Variants in DLGAP2 observed in about 807,000 individuals in gnomAD.
DLGAP2 encodes disks large-associated protein 2.
DLGAP2 carries 26 observed loss-of-function variants against 100.3 expected under a neutral mutation model. That is an observed-to-expected ratio of 0.26 (90% CI 0.19 to 0.36). The LOEUF (loss-of-function observed/expected upper bound fraction) is 0.36. DLGAP2 is among the 10% of genes least tolerant of loss of function. The probability of loss-of-function intolerance (pLI) is 1.00; values close to 1 mark genes in which losing one functional copy is unlikely to be tolerated. For missense variants in DLGAP2, 1,858 were observed against 1,453.2 expected (o/e 1.28, Z -4.53); for synonymous variants, 886 against 630.1 (o/e 1.41, Z -6.08).
chr8:1,468,909 C>T lies in DLGAP2; in HGVS notation c.107-32457C>T, dbSNP rs565352873. ...TCCCGTGTCCATCCTGCTGTGCTCA[C>T]TCCAGCCTCTCTCTCTCCTTAGAAA... On this transcript the variant is annotated intron_variant, in intron 3 of 14. Transcript: ENST00000637795. Among the ~76,000 whole-genome samples, 3 of 152,306 alleles carry T rather than the reference C, an allele frequency of 2.0e-5. No homozygotes were observed. In the South Asian group the frequency reaches 6.2e-4, roughly 32 times the overall value.
intron 1 of DLGAP2, among the ~76,000 whole-genome samples, chr8:847,695 C>T (rs1322202107): frequency 6.6e-6 from 1 of 152,044 alleles, no homozygotes; most frequent in Non-Finnish European, 1.5e-5. Flanking sequence ...TTAGTAGAGA[C>T]AGGGTTTCAC....
intron 3 of DLGAP2, among the ~76,000 whole-genome samples, chr8:1,442,236 G>C (rs1003839836): frequency 9.6e-6 from 1 of 104,698 alleles, no homozygotes; most frequent in Non-Finnish European, 2.4e-5. Flanking sequence ...GACGGACCCA[G>C]GCATAGACCC....
intron 2 of DLGAP2, among the ~76,000 whole-genome samples, chr8:1,214,664 C>T (rs1470308731): frequency 1.3e-5 from 2 of 152,166 alleles, no homozygotes; most frequent in Non-Finnish European, 2.9e-5. Context: ...CTCTGAGGTC[C>T]TTTTTAACAA....
intron 2 of DLGAP2, among the ~76,000 whole-genome samples, chr8:1,130,904 A>G (rs1304017417): frequency 6.6e-6 from 1 of 151,994 alleles, no homozygotes; most frequent in East Asian, 1.9e-4. Context: ...GGCTGGGCTG[A>G]GAGACCGGAG....
intron 3 of DLGAP2, among the ~76,000 whole-genome samples, chr8:1,420,632 C>A (rs549121147): frequency 6.6e-6 from 1 of 152,212 alleles, no homozygotes; most frequent in African/African-American, 2.4e-5. Flanking sequence ...AGGTTTCACA[C>A]TGTCAGGACC....
chr8:1,087,447 C>G (rs533636627), intron 2 of DLGAP2, among the ~76,000 whole-genome samples: 1 of 152,168 alleles, frequency 6.6e-6, no homozygotes, highest in Non-Finnish European at 1.5e-5. Flanking sequence ...TGAGCAGCAT[C>G]AAATTGTGTG....
intron 7 of DLGAP2, among the ~76,000 whole-genome samples, chr8:1,630,666 C>T (rs1240339620): frequency 9.9e-5 from 15 of 151,600 alleles, no homozygotes; most frequent in Admixed American, 7.9e-4. Flanking sequence ...CACGCCACTG[C>T]ACTCCAGCCT....
Position 832,552 on chromosome 8 carries a change from A to G in DLGAP2, c.19-75360A>G, listed in dbSNP as rs117064520. On this transcript the variant is annotated intron_variant, in intron 1 of 14. Coordinates refer to ENST00000637795, the MANE Select transcript of DLGAP2 (RefSeq NM_001346810.2). ...GAATCCACTGTTGTATTTACTGAGAAGTGATACTATTAAAGTTTTCTAATG... is the reference window on the plus strand; with the variant it reads ...GAATCCACTGTTGTATTTACTGAGAGGTGATACTATTAAAGTTTTCTAATG... Among the ~76,000 whole-genome samples, 811 of 152,352 alleles carry G rather than the reference A, an allele frequency of 5.3e-3. 1 individual carries two copies. Among genetic ancestry groups the G allele is most frequent in the Non-Finnish European group, 7.4e-3 (506 of 68,038 alleles).
chr8:1,701,265 G>T lies in DLGAP2; in HGVS notation c.3027G>T (p.Leu1009=). The change falls in exon 15 of 15, where the codon CTG becomes CTT. Residue 1009 remains leucine, a synonymous_variant. Coordinates refer to ENST00000637795, the MANE Select transcript of DLGAP2 (RefSeq NM_001346810.2). ...TTCCCATCACAAGAGAAAAATCCCTGGACCTGCCCGACAGACAACGCCAGG... is the reference window on the plus strand; with the variant it reads ...TTCCCATCACAAGAGAAAAATCCCTTGACCTGCCCGACAGACAACGCCAGG... ...GKFPITREKS[L]DLPDRQRQEA... is the part of the protein sequence containing the mutation. 1 of 1,582,330 alleles carries T rather than the reference G, an allele frequency of 6.3e-7. No homozygotes were observed. Among genetic ancestry groups the T allele is most frequent in the East Asian group, 2.3e-5 (1 of 42,830 alleles).
At chr8:1,700,955 C>A (rs1209937338) in intron 14 of DLGAP2, among the ~76,000 whole-genome samples, 1 of 152,230 alleles carries the variant, frequency 6.6e-6, no homozygotes, top group Non-Finnish European at 1.5e-5. Flanking sequence ...GCCCCTGACG[C>A]CTCTGCCCCC....
At chr8:790,891 G>A (rs1822008333) in intron 1 of DLGAP2, among the ~76,000 whole-genome samples, 1 of 151,952 alleles carries the variant, frequency 6.6e-6, no homozygotes, top group South Asian at 2.1e-4. Context: ...GACTACAGGT[G>A]CACGCCACCA....
rs564714217 is a variant in DLGAP2 at position 1,503,718 on chromosome 8, C to T, written c.172+2287C>T. ...CTGCTTAGGGACAGGGTGTGCTTTG[C>T]GAGCTGCCTCTACAGTCTTGCCATG... On this transcript the variant is annotated intron_variant, in intron 4 of 14. Coordinates refer to ENST00000637795, the MANE Select transcript of DLGAP2 (RefSeq NM_001346810.2). 1.2e-4 allele frequency among the ~76,000 whole-genome samples: 19 copies of T among 152,234 alleles called. No homozygotes were observed. In the South Asian group the frequency reaches 2.7e-3, roughly 22 times the overall value.
intron 2 of DLGAP2, among the ~76,000 whole-genome samples, chr8:968,489 C>A (rs1033761386): frequency 6.6e-5 from 10 of 152,158 alleles, no homozygotes; most frequent in Non-Finnish European, 1.2e-4. Flanking sequence ...CAGGTCCTTG[C>A]ATTCACTCGT....
intron 3 of DLGAP2, among the ~76,000 whole-genome samples, chr8:1,353,595 G>A (rs961134418): frequency 3.3e-4 from 50 of 152,232 alleles, no homozygotes; most frequent in African/African-American, 1.1e-3. Context: ...CATTTAAGAT[G>A]GTTTGTCAGG....
At chr8:1,514,467 C>A (rs112669144) in intron 4 of DLGAP2, among the ~76,000 whole-genome samples, 10 of 152,080 alleles carry the variant, frequency 6.6e-5, no homozygotes, top group African/African-American at 2.4e-4. Flanking sequence ...CAAGGAACAG[C>A]GAGAAAATAT....
intron 1 of DLGAP2, among the ~76,000 whole-genome samples, chr8:786,308 A>T (rs1821864154): frequency 6.6e-6 from 1 of 152,092 alleles, no homozygotes; most frequent in Non-Finnish European, 1.5e-5. Flanking sequence ...CCCGGAGGTC[A>T]CCAGGAGCCA....
chr8:904,463 T>G (rs1165276827), intron 1 of DLGAP2, among the ~76,000 whole-genome samples: 1 of 152,158 alleles, frequency 6.6e-6, no homozygotes, highest in African/African-American at 2.4e-5. Context: ...GAGGTTGCAG[T>G]GAGCTGGGAT....
chr8:1,684,511 T>C (rs1799062065), intron 12 of DLGAP2, among the ~76,000 whole-genome samples: 4 of 152,104 alleles, frequency 2.6e-5, no homozygotes, highest in Non-Finnish European at 5.9e-5. Flanking sequence ...AATATTGAAA[T>C]TTCCATTATA....
intron 3 of DLGAP2, chr8:1,302,472 C>T (rs1036323169): frequency 1.3e-5 from 2 of 151,934 alleles, no homozygotes; most frequent in African/African-American, 4.9e-5. Context: ...AGTTCCGGAG[C>T]TCTGCTTCAT....
Sources: gnomAD v4.1 joint callset for allele counts (sites outside exome capture counted in the v4.1 genomes callset) on GRCh38, gnomAD v4.1.1 for gene constraint, MANE v1.5 for transcripts, NCBI Gene and HGNC (gene_info 2026-07-23, HGNC 2026-07-21) for gene names.